The following STARD13 variants were observed in gnomAD, a reference collection of about 807,000 sequenced individuals.
STARD13 encodes the protein stAR-related lipid transfer protein 13.
In STARD13, 62 loss-of-function variants were observed where a neutral mutation model predicts 106.4. The observed-to-expected ratio is 0.58, with a 90% CI of 0.48 to 0.72. The LOEUF (loss-of-function observed/expected upper bound fraction) is 0.72. STARD13 is among the 30% of genes least tolerant of loss of function. The pLI, the probability that STARD13 is intolerant of heterozygous loss-of-function variation, is 0.00. For synonymous variants in STARD13, 565 were observed against 553.0 expected, an observed-to-expected ratio of 1.02 and a Z score of -0.31; for missense variants, 1,387 against 1,424.0, an observed-to-expected ratio of 0.97 and a Z score of 0.42.
the STARD13 span, among the ~76,000 whole-genome samples, chr13:33,499,001 G>A: frequency 3.9e-5 from 6 of 152,114 alleles, no homozygotes; most frequent in Non-Finnish European, 8.8e-5. Flanking sequence ...AGACAGGTGT[G>A]GTGGCACATG....
chr13:33,499,608 TTCTTC>T, the STARD13 span, among the ~76,000 whole-genome samples: 8 of 71,108 alleles, frequency 1.1e-4, no homozygotes, highest in East Asian at 5.0e-4. Flanking sequence ...TTCTTCTTTC[TTCTTC>T]TTCTTCTTCT....
the STARD13 span, among the ~76,000 whole-genome samples, chr13:33,406,527 T>G: frequency 6.6e-6 from 1 of 152,214 alleles, no homozygotes; most frequent in Non-Finnish European, 1.5e-5. Context: ...TGTTTCTGTT[T>G]AAGGATGCCT....
intron 2 of STARD13, among the ~76,000 whole-genome samples, chr13:33,167,003 C>A (rs199855367): frequency 0.014 from 1,783 of 126,424 alleles, 38 homozygotes; most frequent in African/African-American, 0.042. Context: ...CAAAAAAAAA[C>A]AAAAAAAAAA....
intron 1 of STARD13, among the ~76,000 whole-genome samples, chr13:33,273,197 AATACAAGACTATAATTTC>A (rs1400087193): frequency 6.6e-6 from 1 of 152,202 alleles, no homozygotes; most frequent in African/African-American, 2.4e-5. Flanking sequence ...AGAGATTCCT[AATACAAGACTATAATTTC>A]ATTGGACACC....
chr13:33,325,697 T>A (rs2077765671), intron 1 of STARD13, among the ~76,000 whole-genome samples: 1 of 152,080 alleles, frequency 6.6e-6, no homozygotes, highest in South Asian at 2.1e-4. Flanking sequence ...TCTCTGTTAC[T>A]AAGAAGCAGA....
At chr13:33,207,426 G>A (rs1165367890) in intron 1 of STARD13, among the ~76,000 whole-genome samples, 2 of 152,170 alleles carry the variant, frequency 1.3e-5, no homozygotes, top group African/African-American at 4.8e-5. Context: ...CTAGATAAGA[G>A]GTACTCACTC....
chr13:33,634,868 T>A, the STARD13 span, among the ~76,000 whole-genome samples: 1 of 152,258 alleles, frequency 6.6e-6, no homozygotes, highest in South Asian at 2.1e-4. Context: ...CCAGAAGACA[T>A]GCTCTGTGTT....
chr13:33,605,645 C>G, the STARD13 span, among the ~76,000 whole-genome samples: 1 of 152,098 alleles, frequency 6.6e-6, no homozygotes, highest in Non-Finnish European at 1.5e-5. Context: ...TTGAATAGCG[C>G]TGTTCTAGGA....
At chr13:33,638,296 A>G in the STARD13 span, among the ~76,000 whole-genome samples, 1 of 152,192 alleles carries the variant, frequency 6.6e-6, no homozygotes, top group Admixed American at 6.5e-5. Context: ...TGTCATCAAT[A>G]CATTTTAGTG....
chr13:33,203,449 T>C (rs1157351822), intron 1 of STARD13, among the ~76,000 whole-genome samples: 1 of 152,264 alleles, frequency 6.6e-6, no homozygotes, highest in Non-Finnish European at 1.5e-5. Context: ...TATATTTATT[T>C]GTATGGTATA....
chr13:33,139,757 T>TTC (rs1879566209), intron 4 of STARD13, among the ~76,000 whole-genome samples: 1 of 152,062 alleles, frequency 6.6e-6, no homozygotes, highest in Admixed American at 6.6e-5. Flanking sequence ...CATTTTTTTT[T>TTC]CTATTTTTTC....
the STARD13 span, among the ~76,000 whole-genome samples, chr13:33,550,665 C>T: frequency 1.3e-5 from 2 of 152,220 alleles, no homozygotes; most frequent in Admixed American, 6.5e-5. Flanking sequence ...CAGTTCCCTT[C>T]AATTTTCAGT....
chr13:33,276,105 C>T (rs1891417530), intron 1 of STARD13: 2 of 152,200 alleles, frequency 1.3e-5, no homozygotes, highest in South Asian at 4.1e-4. Context: ...ATTTAAGCAG[C>T]TTTGTCTGCC....
the STARD13 span, among the ~76,000 whole-genome samples, chr13:33,499,769 T>C: frequency 7.0e-6 from 1 of 143,064 alleles, no homozygotes; most frequent in Admixed American, 7.1e-5. Flanking sequence ...TTCTTTTTTT[T>C]TTTTTTTTTT....
At chr13:33,229,628 A>C (rs1013129190) in intron 1 of STARD13, among the ~76,000 whole-genome samples, 1 of 152,158 alleles carries the variant, frequency 6.6e-6, no homozygotes, top group Non-Finnish European at 1.5e-5. Context: ...ACACACACAC[A>C]CTACTTCTAG....
chr13:33,619,395 G>C, the STARD13 span, among the ~76,000 whole-genome samples: 1 of 152,168 alleles, frequency 6.6e-6, no homozygotes, highest in East Asian at 1.9e-4. Context: ...TCATTGAACA[G>C]CAGGGAAAAC....
At chr13:33,519,182 GT>G in the STARD13 span, among the ~76,000 whole-genome samples, 1 of 145,482 alleles carries the variant, frequency 6.9e-6, no homozygotes, top group Non-Finnish European at 1.5e-5. Context: ...TCCCACTCCT[GT>G]TGATGATATT....
the STARD13 span, among the ~76,000 whole-genome samples, chr13:33,435,830 T>C: frequency 2.0e-5 from 3 of 152,182 alleles, no homozygotes; most frequent in South Asian, 2.1e-4. Flanking sequence ...TAATTTCATA[T>C]TGGAATTGAT....
At chr13:33,440,847 C>T in the STARD13 span, among the ~76,000 whole-genome samples, 1 of 141,516 alleles carries the variant, frequency 7.1e-6, no homozygotes, top group Non-Finnish European at 1.5e-5. Context: ...AACTCCTGAA[C>T]TCAAGTGATC....
Sources: allele counts gnomAD v4.1 joint callset (sites outside exome capture counted in the v4.1 genomes callset), GRCh38; gene constraint gnomAD v4.1.1; transcripts MANE v1.5; gene names NCBI Gene and HGNC (gene_info 2026-07-23, HGNC 2026-07-21).